The following TMPRSS2 variants were observed in gnomAD, a reference collection of about 807,000 sequenced individuals.
TMPRSS2 encodes transmembrane serine protease 2, also known as transmembrane protease serine 2.
Under a neutral mutation model 67.4 loss-of-function variants are expected in TMPRSS2, and 59 were observed. That is an observed-to-expected ratio of 0.88 (90% CI 0.71 to 1.09). The LOEUF (loss-of-function observed/expected upper bound fraction) is 1.09. Ranked by LOEUF, TMPRSS2 falls within the 50% of genes least tolerant of loss-of-function variation. TMPRSS2 has a pLI of 0.00. For missense variants in TMPRSS2, 668 were observed against 642.7 expected, an observed-to-expected ratio of 1.04 and a Z score of -0.43; for synonymous variants, 257 against 257.0, an observed-to-expected ratio of 1.00 and a Z score of 0.00.
chr21:41,504,242 C>T (rs1471204878), intron 1 of TMPRSS2, among the ~76,000 whole-genome samples: 1 of 152,232 alleles, frequency 6.6e-6, no homozygotes, highest in Non-Finnish European at 1.5e-5. Flanking sequence ...CCTTCAAACA[C>T]TTCCTGCTTT....
intron 3 of TMPRSS2, among the ~76,000 whole-genome samples, chr21:41,493,882 T>C (rs1031946881): frequency 2.6e-5 from 4 of 152,382 alleles, no homozygotes; most frequent in East Asian, 1.9e-4. Flanking sequence ...CAGATACTTC[T>C]GTGTGACAAC....
intron 11 of TMPRSS2, 120 bp from the exon 12 acceptor site, chr21:41,468,658 G>T: frequency 8.5e-7 from 1 of 1,169,998 alleles, no homozygotes; most frequent in Non-Finnish European, 1.2e-6. Context: ...CTATTTTCCA[G>T]CCCTGCCCCG....
chr21:41,473,247 T>A (rs2091150494), intron 9 of TMPRSS2, 78 bp downstream of exon 9: 1 of 1,457,142 alleles, frequency 6.9e-7, no homozygotes, highest in African/African-American at 1.4e-5. Context: ...GCTGCAAGGG[T>A]TGAGACCTGC....
chr21:41,501,920 TG>T (rs1210171082), intron 1 of TMPRSS2, among the ~76,000 whole-genome samples: 1 of 152,246 alleles, frequency 6.6e-6, no homozygotes, highest in Non-Finnish European at 1.5e-5. Flanking sequence ...CTCTCAATTC[TG>T]GAAAGCCAGC....
chr21:41,487,695 C>T (rs1569021093), intron 5 of TMPRSS2: 1 of 152,168 alleles, frequency 6.6e-6, no homozygotes, highest in Non-Finnish European at 1.5e-5. Flanking sequence ...AGATAAACCA[C>T]AGAAAATAAA....
chr21:41,468,587 G>A (rs372315787), intron 11 of TMPRSS2, 49 bp from the exon 12 acceptor site: 9 of 1,602,392 alleles, frequency 5.6e-6, no homozygotes, highest in South Asian at 3.3e-5. Flanking sequence ...TGCAGCTCTC[G>A]CAGGGAGAGC....
intron 3 of TMPRSS2, among the ~76,000 whole-genome samples, chr21:41,490,129 C>G (rs910871955): frequency 5.0e-5 from 6 of 120,692 alleles, no homozygotes; most frequent in African/African-American, 2.1e-4. Context: ...GCCTGGGCGA[C>G]AGAGCAAAAA....
At chr21:41,495,720 T>C (rs576447507) in intron 2 of TMPRSS2, among the ~76,000 whole-genome samples, 14 of 151,792 alleles carry the variant, frequency 9.2e-5, no homozygotes, top group South Asian at 2.1e-4. Flanking sequence ...ATTGAGGTCA[T>C]TGTGAGACTT....
At chr21:41,472,922 C>A (rs1017018772) in intron 9 of TMPRSS2, among the ~76,000 whole-genome samples, 1 of 152,166 alleles carries the variant, frequency 6.6e-6, no homozygotes, top group Non-Finnish European at 1.5e-5. Context: ...GAACGCTTAA[C>A]CCCAGGGACC....
At position 41,508,070 on chromosome 21, in the gene TMPRSS2, G is replaced by A; in HGVS notation, c.-57+11C>T. The A allele has an allele frequency of 7.8e-7, 1 of 1,287,994 alleles. No individual in the cohort carries two copies. Among genetic ancestry groups the A allele is most frequent in the Non-Finnish European group, 9.8e-7 (1 of 1,016,004 alleles). The allele number at this position is 1,287,994 out of a possible 1,614,324, so 79.8% of individuals were successfully genotyped here. ...ACCCCGAGCCGGGACCCTGGTACCG[G>A]CGCCGCTCACCTGCCGCGCTCCAGG... On this transcript the variant is annotated intron_variant, in intron 1 of 13. Transcript: ENST00000332149.
chr21:41,497,122 G>A lies in TMPRSS2; in HGVS notation c.15+997C>T, dbSNP rs369342013. On this transcript the variant is annotated intron_variant, in intron 2 of 13. Transcript: ENST00000332149. ...TCCCAAAGGGCTGGATGACAGGCAT[G>A]AGCCACCACGCCCAGCCTGCCCCTT... is the stretch of plus-strand genomic sequence containing the variant. 1.2e-4 allele frequency among the ~76,000 whole-genome samples: 18 copies of A among 152,230 alleles called. No individual in the cohort carries two copies. The South Asian group carries it at 2.1e-3, about 18-fold the overall frequency.
chr21:41,469,019 A>G (rs903820204), intron 11 of TMPRSS2, among the ~76,000 whole-genome samples: 2 of 151,758 alleles, frequency 1.3e-5, no homozygotes, highest in African/African-American at 4.8e-5. Context: ...TGCACTTGCC[A>G]CCTCTGCATT....
intron 5 of TMPRSS2, among the ~76,000 whole-genome samples, chr21:41,482,489 T>C (rs1488783442): frequency 6.6e-6 from 1 of 152,198 alleles, no homozygotes; most frequent in Non-Finnish European, 1.5e-5. Context: ...CAATGCTGTG[T>C]GGTTTGGGAG....
chr21:41,489,379 C>G (rs2146468991), intron 4 of TMPRSS2, 128 bp downstream of exon 4: 1 of 652,626 alleles, frequency 1.5e-6, no homozygotes, highest in Non-Finnish European at 2.6e-6. Context: ...AGAGAGACAG[C>G]CTCGTTATGT....
chr21:41,502,485 G>GCCC (rs2091431100), intron 1 of TMPRSS2: 1 of 985,252 alleles, frequency 1.0e-6, no homozygotes, highest in African/African-American at 1.7e-5. Context: ...CAGACTCAGT[G>GCCC]CCCCTTCTTC....
At chr21:41,485,652 G>GA (rs35871560) in intron 5 of TMPRSS2, among the ~76,000 whole-genome samples, 193 of 131,132 alleles carry the variant, frequency 1.5e-3, no homozygotes, top group African/African-American at 2.9e-3. Context: ...CTGTCTCCAG[G>GA]AAAAAAAAAA....
chr21:41,494,085 G>A (rs1297278153), intron 3 of TMPRSS2, among the ~76,000 whole-genome samples: 2 of 152,238 alleles, frequency 1.3e-5, no homozygotes, highest in Non-Finnish European at 2.9e-5. Context: ...CGAAGCCTAC[G>A]CTGAGTAGAA....
chr21:41,484,801 C>A (rs1315009980), intron 5 of TMPRSS2, among the ~76,000 whole-genome samples: 1 of 151,932 alleles, frequency 6.6e-6, no homozygotes, highest in Non-Finnish European at 1.5e-5. Flanking sequence ...TAAGGTCCAC[C>A]AAGAAGAGAC....
In TMPRSS2 at chr21:41,488,633, G is replaced by GTGTTT. The variant is rs528452128; in HGVS notation, c.326-125_326-121dup. ...GCAGCCTCCAACTCCTGGCCCCACTGTGTTTTGTTTTGTTTTGTTTTTGAG... is the reference window on the plus strand; with the variant it reads ...GCAGCCTCCAACTCCTGGCCCCACTGTGTTTTGTTTTGTTTTGTTTTGTTTTTGAG... On this transcript the variant is annotated intron_variant, in intron 4 of 13. Coordinates refer to ENST00000332149, the MANE Select transcript of TMPRSS2 (RefSeq NM_005656.4). The GTGTTT allele has an allele frequency of 2.7e-4, 322 of 1,185,042 alleles. No homozygotes were observed. The African/African-American group carries it at 2.7e-3, about 10-fold the overall frequency. 73.4% of individuals were successfully genotyped at this position (1,185,042 alleles called of 1,614,324 possible).
Sources: gnomAD v4.1 joint callset for allele counts (sites outside exome capture counted in the v4.1 genomes callset) on GRCh38, gnomAD v4.1.1 for gene constraint, MANE v1.5 for transcripts, NCBI Gene and HGNC (gene_info 2026-07-23, HGNC 2026-07-21) for gene names.